The following CACNA2D1 variants were observed in gnomAD, a reference collection of about 807,000 sequenced individuals.
The protein encoded by CACNA2D1 is calcium voltage-gated channel auxiliary subunit alpha2delta 1.
A neutral mutation model predicts 171.5 loss-of-function variants in CACNA2D1; 53 were observed. The observed-to-expected ratio is 0.31, with a 90% CI of 0.25 to 0.39. CACNA2D1 has a LOEUF of 0.39. Ranked by LOEUF, CACNA2D1 falls within the 10% of genes least tolerant of loss-of-function variation. The pLI, the probability that CACNA2D1 is intolerant of heterozygous loss-of-function variation, is 1.00. For missense variants in CACNA2D1, 903 were observed against 1,299.8 expected, an observed-to-expected ratio of 0.69 and a Z score of 4.69; for synonymous variants, 442 against 443.1, an observed-to-expected ratio of 1.00 and a Z score of 0.03.
At chr7:82,379,912 T>A (rs958764157) in intron 1 of CACNA2D1, among the ~76,000 whole-genome samples, 1 of 152,172 alleles carries the variant, frequency 6.6e-6, no homozygotes, top group African/African-American at 2.4e-5. Flanking sequence ...TTTTACACTA[T>A]TTTCCATTAA....
At chr7:82,076,651 G>C (rs2128999838) in intron 7 of CACNA2D1, among the ~76,000 whole-genome samples, 1 of 152,118 alleles carries the variant, frequency 6.6e-6, no homozygotes, top group Non-Finnish European at 1.5e-5. Flanking sequence ...GCTTCCCCAA[G>C]TCTTTCTCCT....
chr7:82,063,318 TAATTA>T (rs1227483115), intron 9 of CACNA2D1, among the ~76,000 whole-genome samples: 1 of 152,176 alleles, frequency 6.6e-6, no homozygotes, highest in Non-Finnish European at 1.5e-5. Flanking sequence ...ATCCATAATT[TAATTA>T]AAGTAACATG....
chr7:82,312,489 A>C (rs1371517615), intron 3 of CACNA2D1, among the ~76,000 whole-genome samples: 1 of 150,708 alleles, frequency 6.6e-6, no homozygotes, highest in Non-Finnish European at 1.5e-5. Context: ...ATTGAAGTAG[A>C]CTCAGAAAGT....
chr7:82,161,080 G>A (rs1392230677), intron 4 of CACNA2D1, among the ~76,000 whole-genome samples: 1 of 152,050 alleles, frequency 6.6e-6, no homozygotes, highest in African/African-American at 2.4e-5. Context: ...TGGGCAAGTA[G>A]ATAGTTGTGG....
chr7:81,980,194 AAAAAAAG>A (rs1796310892), intron 24 of CACNA2D1, among the ~76,000 whole-genome samples: 1 of 148,616 alleles, frequency 6.7e-6, no homozygotes, highest in South Asian at 2.1e-4. Flanking sequence ...AAAAAAAAAA[AAAAAAAG>A]AAAGTGCATT....
At chr7:81,979,608 T>C (rs766794015) in intron 24 of CACNA2D1, among the ~76,000 whole-genome samples, 1 of 152,130 alleles carries the variant, frequency 6.6e-6, no homozygotes, top group Admixed American at 6.6e-5. Flanking sequence ...TCTTCCTAAA[T>C]TGTTTGCTAT....
intron 3 of CACNA2D1, among the ~76,000 whole-genome samples, chr7:82,259,379 A>G (rs1806785794): frequency 6.6e-6 from 1 of 152,204 alleles, no homozygotes; most frequent in African/African-American, 2.4e-5. Context: ...TTTATTTTAA[A>G]TTATAAATAT....
At chr7:82,303,474 G>C (rs902534134) in intron 3 of CACNA2D1, among the ~76,000 whole-genome samples, 6 of 138,486 alleles carry the variant, frequency 4.3e-5, no homozygotes, top group African/African-American at 1.3e-4. Context: ...AAAAACTCAA[G>C]TAGCCAAAGC....
At chr7:82,192,124 C>T (rs1233423886) in intron 3 of CACNA2D1, among the ~76,000 whole-genome samples, 1 of 151,142 alleles carries the variant, frequency 6.6e-6, no homozygotes. Context: ...AGTTCCTGCC[C>T]TCAAGAACTT....
At chr7:82,332,525 A>AGAGAAAGAAAGAAAGAAAGAAAGAAG (rs1563380774) in intron 3 of CACNA2D1, among the ~76,000 whole-genome samples, 3 of 50,996 alleles carry the variant, frequency 5.9e-5, no homozygotes, top group Non-Finnish European at 1.6e-4. Context: ...AAAGAAAGAA[A>AGAGAAAGAAAGAAAGAAAGAAAGAAG]GAAAGAAAGA....
chr7:82,038,409 G>A (rs1198139717), intron 10 of CACNA2D1, among the ~76,000 whole-genome samples, 174 bp from the exon 11 acceptor site: 2 of 152,148 alleles, frequency 1.3e-5, no homozygotes, highest in Non-Finnish European at 2.9e-5. Context: ...ATTTTCATCT[G>A]AGCTACCAAC....
chr7:82,010,274 T>C (rs1295492008), intron 15 of CACNA2D1, among the ~76,000 whole-genome samples: 2 of 152,040 alleles, frequency 1.3e-5, no homozygotes, highest in African/African-American at 4.8e-5. Context: ...TGTGGAGAGA[T>C]TATAAACAAA....
intron 3 of CACNA2D1, among the ~76,000 whole-genome samples, chr7:82,224,928 C>CA (rs144041986): frequency 0.031 from 4,708 of 149,630 alleles, 230 homozygotes; most frequent in African/African-American, 0.11. Context: ...TCCAATTGAC[C>CA]AAAAAAAAAT....
At chr7:82,218,143 A>C (rs1336104611) in intron 3 of CACNA2D1, among the ~76,000 whole-genome samples, 9 of 151,854 alleles carry the variant, frequency 5.9e-5, no homozygotes, top group Non-Finnish European at 1.2e-4. Context: ...ACCGTGTTGG[A>C]CAGGATGGTC....
At chr7:82,015,632 T>G (rs545797138) in intron 12 of CACNA2D1, among the ~76,000 whole-genome samples, 3 of 152,332 alleles carry the variant, frequency 2.0e-5, no homozygotes, top group Non-Finnish European at 2.9e-5. Context: ...TTTTAGCTAT[T>G]TCTAAAAATA....
chr7:81,963,930 G>C, intron 34 of CACNA2D1, 126 bp downstream of exon 34: 1 of 752,716 alleles, frequency 1.3e-6, no homozygotes, highest in South Asian at 1.6e-5. Flanking sequence ...GTGATGTAAA[G>C]AATGAAAACA....
intron 10 of CACNA2D1, among the ~76,000 whole-genome samples, chr7:82,059,494 A>AC (rs11446007): frequency 0.03 from 4,528 of 152,200 alleles, 214 homozygotes; most frequent in African/African-American, 0.096. Context: ...TGAATAGAAA[A>AC]TGCCATATAA....
intron 3 of CACNA2D1, among the ~76,000 whole-genome samples, chr7:82,267,801 T>C (rs933705612): frequency 2.0e-5 from 3 of 152,196 alleles, no homozygotes; most frequent in Admixed American, 1.3e-4. Flanking sequence ...AAGACCATCC[T>C]GGCTAACACG....
intron 19 of CACNA2D1, among the ~76,000 whole-genome samples, chr7:81,995,489 C>T (rs1421097550): frequency 1.3e-5 from 2 of 152,068 alleles, no homozygotes; most frequent in East Asian, 1.9e-4. Flanking sequence ...CAGTAGAATA[C>T]TCCAAATCCT....
Sources: allele counts gnomAD v4.1 joint callset (sites outside exome capture counted in the v4.1 genomes callset), GRCh38; gene constraint gnomAD v4.1.1; transcripts MANE v1.5; gene names NCBI Gene and HGNC (gene_info 2026-07-23, HGNC 2026-07-21).